Variants in TTC28 observed in about 807,000 individuals in gnomAD.
The protein encoded by TTC28 is tetratricopeptide repeat domain 28.
TTC28 carries 61 observed loss-of-function variants against 198.0 expected under a neutral mutation model. The observed-to-expected ratio is 0.31, with a 90% CI of 0.25 to 0.38. The LOEUF (loss-of-function observed/expected upper bound fraction) is 0.38. Ranked by LOEUF, TTC28 falls within the 10% of genes least tolerant of loss-of-function variation. TTC28 has a pLI of 1.00. For synonymous variants in TTC28, 1,171 were observed against 1,297.8 expected, an observed-to-expected ratio of 0.90 and a Z score of 2.10; for missense variants, 2,678 against 3,164.0, an observed-to-expected ratio of 0.85 and a Z score of 3.69.
chr22:28,333,466 C>A (rs1467929588), intron 2 of TTC28, among the ~76,000 whole-genome samples: 2 of 152,116 alleles, frequency 1.3e-5, no homozygotes, highest in Non-Finnish European at 2.9e-5. Flanking sequence ...CACATTGCAA[C>A]AGCAGAGAAA....
chr22:28,307,005 C>T (rs1276210467), intron 2 of TTC28, among the ~76,000 whole-genome samples: 1 of 152,066 alleles, frequency 6.6e-6, no homozygotes, highest in Non-Finnish European at 1.5e-5. Flanking sequence ...TATATCTCAC[C>T]TAAGTATCTA....
chr22:28,294,776 C>G (rs1416070960), intron 5 of TTC28, among the ~76,000 whole-genome samples: 2 of 152,024 alleles, frequency 1.3e-5, no homozygotes, highest in Admixed American at 6.6e-5. Context: ...ACCATGTTGG[C>G]CAGGCTGGTC....
chr22:28,670,322 A>G (rs1399046880), intron 1 of TTC28, among the ~76,000 whole-genome samples: 2 of 152,170 alleles, frequency 1.3e-5, no homozygotes, highest in Non-Finnish European at 2.9e-5. Context: ...CATACCCATC[A>G]GCAGTCATTC....
chr22:28,093,965 A>T, intron 12 of TTC28, 115 bp downstream of exon 12: 1 of 1,109,996 alleles, frequency 9.0e-7, no homozygotes, highest in Non-Finnish European at 1.3e-6. Context: ...GAACAGACTG[A>T]GCGCAACTAC....
intron 2 of TTC28, among the ~76,000 whole-genome samples, chr22:28,384,555 G>A (rs747359951): frequency 2.6e-5 from 4 of 152,196 alleles, no homozygotes; most frequent in Non-Finnish European, 5.9e-5. Flanking sequence ...ATTGCCTAAA[G>A]CAGTATCAGT....
intron 2 of TTC28, among the ~76,000 whole-genome samples, chr22:28,616,365 C>T (rs1248025506): frequency 6.6e-6 from 1 of 152,094 alleles, no homozygotes; most frequent in African/African-American, 2.4e-5. Flanking sequence ...AGGATTTGAA[C>T]TAGCTTGTCA....
At chr22:28,023,752 G>C (rs1377836588) in intron 13 of TTC28, among the ~76,000 whole-genome samples, 1 of 152,186 alleles carries the variant, frequency 6.6e-6, no homozygotes, top group East Asian at 1.9e-4. Context: ...AAGGGAGTTA[G>C]ATGGATGAGG....
chr22:28,456,773 A>G (rs1421203319), intron 2 of TTC28, among the ~76,000 whole-genome samples: 3 of 152,240 alleles, frequency 2.0e-5, no homozygotes, highest in African/African-American at 7.2e-5. Flanking sequence ...ACGGGGTTTC[A>G]CGATGTTGGC....
At chr22:28,091,145 A>G (rs1941801783) in intron 12 of TTC28, among the ~76,000 whole-genome samples, 3 of 152,354 alleles carry the variant, frequency 2.0e-5, no homozygotes, top group African/African-American at 7.2e-5. Context: ...GAGATGAACT[A>G]TAACTCAAAA....
chr22:28,470,260 G>C (rs2146298065), intron 2 of TTC28, among the ~76,000 whole-genome samples: 1 of 152,316 alleles, frequency 6.6e-6, no homozygotes, highest in East Asian at 1.9e-4. Flanking sequence ...CAGAGACTAA[G>C]AGGTGGCTGG....
intron 5 of TTC28, among the ~76,000 whole-genome samples, chr22:28,192,985 T>C (rs1924992785): frequency 6.6e-6 from 1 of 151,992 alleles, no homozygotes; most frequent in Non-Finnish European, 1.5e-5. Flanking sequence ...AAGACACATA[T>C]TGTCAGATTT....
intron 2 of TTC28, among the ~76,000 whole-genome samples, chr22:28,418,585 A>G (rs1224984319): frequency 6.6e-6 from 1 of 152,206 alleles, no homozygotes; most frequent in Non-Finnish European, 1.5e-5. Flanking sequence ...AGCTTCATAT[A>G]CTGACTGGAG....
At chr22:28,175,765 T>G (rs1423707710) in intron 5 of TTC28, among the ~76,000 whole-genome samples, 6 of 151,888 alleles carry the variant, frequency 4.0e-5, no homozygotes, top group Non-Finnish European at 5.9e-5. Flanking sequence ...CAAAAGACCT[T>G]AATACACATT....
chr22:28,632,390 C>T (rs2051191356), intron 1 of TTC28, among the ~76,000 whole-genome samples: 2 of 150,066 alleles, frequency 1.3e-5, no homozygotes, highest in Admixed American at 1.3e-4. Flanking sequence ...AATTCTCCTG[C>T]CTCAGCCTCC....
At chr22:28,262,936 C>T (rs1231359924) in intron 5 of TTC28, among the ~76,000 whole-genome samples, 1 of 152,070 alleles carries the variant, frequency 6.6e-6, no homozygotes, top group East Asian at 1.9e-4. Flanking sequence ...AGCGAAGCTA[C>T]AGAGCCCAAC....
intron 1 of TTC28, among the ~76,000 whole-genome samples, chr22:28,673,182 G>A (rs1468658296): frequency 6.6e-6 from 1 of 152,102 alleles, no homozygotes; most frequent in African/African-American, 2.4e-5. Flanking sequence ...AGACCATCCT[G>A]GCTAACATGG....
chr22:28,356,301 A>T (rs527903219), intron 2 of TTC28, among the ~76,000 whole-genome samples: 125 of 152,002 alleles, frequency 8.2e-4, no homozygotes, highest in African/African-American at 2.8e-3. Context: ...CTCTCCATCC[A>T]CTGGATTCTC....
chr22:28,631,397 C>G (rs1270453120), intron 1 of TTC28, among the ~76,000 whole-genome samples: 1 of 152,148 alleles, frequency 6.6e-6, no homozygotes, highest in Admixed American at 6.5e-5. Context: ...TAACTATATT[C>G]TGGCAATTTA....
chr22:28,280,243 T>C (rs1400292583), intron 5 of TTC28, among the ~76,000 whole-genome samples: 2 of 152,176 alleles, frequency 1.3e-5, no homozygotes, highest in African/African-American at 4.8e-5. Context: ...TGATGTATGC[T>C]GTAAATCCTA....
Sources: gnomAD v4.1 joint callset for allele counts (sites outside exome capture counted in the v4.1 genomes callset) on GRCh38, gnomAD v4.1.1 for gene constraint, MANE v1.5 for transcripts, NCBI Gene and HGNC (gene_info 2026-07-23, HGNC 2026-07-21) for gene names.